Variants in QKI observed in about 807,000 individuals in gnomAD.
QKI encodes the protein QKI, KH domain containing RNA binding, also known as KH domain-containing RNA-binding protein QKI.
A neutral mutation model predicts 39.0 loss-of-function variants in QKI; 10 were observed. The ratio of observed to expected loss-of-function variants is 0.26; its 90% CI spans 0.16 to 0.43. QKI has a LOEUF of 0.43. QKI is among the 20% of genes least tolerant of loss of function. The pLI, the probability that QKI is intolerant of heterozygous loss-of-function variation, is 1.00. For synonymous variants in QKI, 204 were observed against 155.4 expected, an observed-to-expected ratio of 1.31 and a Z score of -2.33; for missense variants, 218 against 428.0, an observed-to-expected ratio of 0.51 and a Z score of 4.33.
intron 2 of QKI, among the ~76,000 whole-genome samples, chr6:163,462,156 G>A (rs1791403293): frequency 1.3e-5 from 2 of 152,112 alleles, no homozygotes; most frequent in Non-Finnish European, 1.5e-5. Context: ...AGGTTTCACT[G>A]TGTTGCCCAG....
intron 4 of QKI, among the ~76,000 whole-genome samples, chr6:163,555,700 C>G (rs1782548330): frequency 6.6e-6 from 1 of 152,088 alleles, no homozygotes; most frequent in African/African-American, 2.4e-5. Context: ...GTAAACTGTT[C>G]AATGCCCTGA....
At chr6:163,526,756 GT>G (rs1262055018) in intron 3 of QKI, among the ~76,000 whole-genome samples, 6 of 152,232 alleles carry the variant, frequency 3.9e-5, no homozygotes, top group Non-Finnish European at 8.8e-5. Flanking sequence ...GTTCAGAATT[GT>G]TTCTGCATGC....
chr6:163,548,096 G>A (rs994800093), intron 4 of QKI, among the ~76,000 whole-genome samples: 18 of 152,096 alleles, frequency 1.2e-4, no homozygotes, highest in Non-Finnish European at 2.1e-4. Context: ...AAAGAACTCC[G>A]TGATTTGTAT....
At chr6:163,564,232 T>G in intron 6 of QKI, 1 of 1,029,830 alleles carries the variant, frequency 9.7e-7, no homozygotes, top group Non-Finnish European at 1.2e-6. Flanking sequence ...ATGCATCGCT[T>G]AACAACGGGG....
At chr6:163,551,299 G>T (rs145989756) in intron 4 of QKI, among the ~76,000 whole-genome samples, 1 of 152,148 alleles carries the variant, frequency 6.6e-6, no homozygotes, top group Non-Finnish European at 1.5e-5. Context: ...CTGTTCTGAC[G>T]CTGTCCACCT....
chr6:163,541,536 C>A (rs1554275836), intron 4 of QKI, among the ~76,000 whole-genome samples: 1 of 143,006 alleles, frequency 7.0e-6, no homozygotes, highest in Admixed American at 7.1e-5. Context: ...TTGTCTGTTA[C>A]TGAAAGAGGT....
intron 3 of QKI, among the ~76,000 whole-genome samples, chr6:163,506,192 C>G (rs913935613): frequency 1.4e-4 from 22 of 151,914 alleles, no homozygotes; most frequent in Non-Finnish European, 2.9e-5. Flanking sequence ...TATAAATTAC[C>G]CAGTCTCAGG....
At position 163,556,177 on chromosome 6, in the gene QKI, TAAACG is replaced by T. The variant is rs1782592706; in HGVS notation, c.547-5804_547-5800del. 2.0e-5 allele frequency among the ~76,000 whole-genome samples: 3 copies of T among 152,336 alleles called. No individual in the cohort carries two copies. The South Asian group carries it at 6.2e-4, about 32-fold the overall frequency. ...AAGTTGAACAATGTATAAATTACATTAAACGTGACCTGTTTGTATCCTTTTAACAT... is the reference window on the plus strand; with the variant it reads ...AAGTTGAACAATGTATAAATTACATTTGACCTGTTTGTATCCTTTTAACAT... On this transcript the variant is annotated intron_variant, in intron 4 of 7. Coordinates refer to ENST00000361752, the MANE Select transcript of QKI (RefSeq NM_006775.3).
At chr6:163,454,006 A>G (rs1413650447) in intron 1 of QKI, among the ~76,000 whole-genome samples, 1 of 152,292 alleles carries the variant, frequency 6.6e-6, no homozygotes, top group East Asian at 1.9e-4. Flanking sequence ...GATAGTTCCT[A>G]AGGAACTATC....
chr6:163,455,468 T>C (rs1283947683), intron 2 of QKI, 47 bp downstream of exon 2: 18 of 1,524,218 alleles, frequency 1.2e-5, no homozygotes, highest in Non-Finnish European at 1.5e-5. Context: ...GCTTCACATA[T>C]GTTGGGAAGA....
At chr6:163,564,229 G>A (rs975696985) in intron 6 of QKI, 10 of 1,026,842 alleles carry the variant, frequency 9.7e-6, no homozygotes, top group African/African-American at 8.6e-5. Context: ...GTCATGCATC[G>A]CTTAACAACG....
At chr6:163,535,345 C>T (rs989296147) in intron 4 of QKI, among the ~76,000 whole-genome samples, 9 of 152,034 alleles carry the variant, frequency 5.9e-5, no homozygotes, top group Non-Finnish European at 1.2e-4. Flanking sequence ...TGGAGGGTGA[C>T]GTCGCGTAAG....
At chr6:163,470,366 A>C (rs1792092144) in intron 2 of QKI, among the ~76,000 whole-genome samples, 1 of 152,128 alleles carries the variant, frequency 6.6e-6, no homozygotes, top group Non-Finnish European at 1.5e-5. Context: ...TCTCAGCTCA[A>C]AATTGTCTAT....
At chr6:163,440,949 AAG>A (rs1383397587) in intron 1 of QKI, among the ~76,000 whole-genome samples, 4 of 152,164 alleles carry the variant, frequency 2.6e-5, no homozygotes, top group Non-Finnish European at 5.9e-5. Flanking sequence ...GGAAATTAAA[AAG>A]CTTTTATTTT....
In QKI at chr6:163,558,694, C is replaced by T. The variant is rs144528040; in HGVS notation, c.547-3288C>T. On this transcript the variant is annotated intron_variant, in intron 4 of 7. Coordinates refer to ENST00000361752, the MANE Select transcript of QKI (RefSeq NM_006775.3). Reference sequence around the variant, plus strand: ...GATTACAGGCGTGAGCCACCACACCCGGCCAGTGAACCCTGTTGTCTCTTA... The same window carrying T: ...GATTACAGGCGTGAGCCACCACACCTGGCCAGTGAACCCTGTTGTCTCTTA... 3.4e-3 allele frequency among the ~76,000 whole-genome samples: 513 copies of T among 152,254 alleles called. 2 individuals are homozygous for T. Among genetic ancestry groups the T allele is most frequent in the African/African-American group, 9.9e-3 (412 of 41,558 alleles).
chr6:163,555,027 A>G (rs1310498852), intron 4 of QKI, among the ~76,000 whole-genome samples: 1 of 152,202 alleles, frequency 6.6e-6, no homozygotes. Flanking sequence ...CAAGGTGGTA[A>G]TTGGCATCAA....
intron 1 of QKI, among the ~76,000 whole-genome samples, chr6:163,451,376 A>G (rs892900780): frequency 8.5e-5 from 13 of 152,222 alleles, no homozygotes; most frequent in African/African-American, 2.9e-4. Flanking sequence ...GCATATTAAA[A>G]GGGACCTAGA....
chr6:163,540,049 G>GTT (rs369927378), intron 4 of QKI, among the ~76,000 whole-genome samples: 1 of 148,536 alleles, frequency 6.7e-6, no homozygotes, highest in African/African-American at 2.5e-5. Context: ...ATCTTGAACT[G>GTT]TTTTTTTTTT....
intron 3 of QKI, among the ~76,000 whole-genome samples, chr6:163,525,578 C>G (rs7450397): frequency 0.61 from 92,234 of 151,964 alleles, 29,571 homozygotes; most frequent in East Asian, 0.97. Flanking sequence ...AGGCTGGTCT[C>G]AAACTTCTGA....
Sources: gnomAD v4.1 joint callset for allele counts (sites outside exome capture counted in the v4.1 genomes callset) on GRCh38, gnomAD v4.1.1 for gene constraint, MANE v1.5 for transcripts, NCBI Gene and HGNC (gene_info 2026-07-23, HGNC 2026-07-21) for gene names.